The following DHRSX variants were observed in gnomAD, a reference collection of about 807,000 sequenced individuals.
DHRSX encodes polyprenol dehydrogenase.
A neutral mutation model predicts 34.0 loss-of-function variants in DHRSX; 31 were observed. That is an observed-to-expected ratio of 0.91 (90% CI 0.69 to 1.23). DHRSX has a LOEUF of 1.23. Among genes scored for constraint, DHRSX ranks in the 50% most tolerant of loss-of-function variants. DHRSX has a pLI of 0.00. For missense variants in DHRSX, 414 were observed against 428.1 expected (o/e 0.97, Z 0.29); for synonymous variants, 201 against 183.8 (o/e 1.09, Z -0.76).
intron 2 of DHRSX, among the ~76,000 whole-genome samples, chrX:2,421,371 C>T (rs946248593): frequency 3.3e-5 from 5 of 152,070 alleles, no homozygotes; most frequent in African/African-American, 1.2e-4. Flanking sequence ...CAGAGTGAGA[C>T]GCTGTCTCAA....
At chrX:2,285,692 G>C (rs2041796638) in intron 4 of DHRSX, among the ~76,000 whole-genome samples, 1 of 152,114 alleles carries the variant, frequency 6.6e-6, no homozygotes, top group Non-Finnish European at 1.5e-5. Flanking sequence ...GACACTAAAA[G>C]TACCACCACT....
At chrX:2,260,536 T>G (rs1430455081) in intron 5 of DHRSX, among the ~76,000 whole-genome samples, 2 of 151,908 alleles carry the variant, frequency 1.3e-5, no homozygotes, top group African/African-American at 2.4e-5. Flanking sequence ...CTCAGCTCAC[T>G]GCAACCTCCA....
At chrX:2,394,669 C>T (rs2043386389) in intron 3 of DHRSX, among the ~76,000 whole-genome samples, 1 of 152,044 alleles carries the variant, frequency 6.6e-6, no homozygotes, top group Admixed American at 6.6e-5. Context: ...AGATCGAGAC[C>T]GTCCTGGCCA....
At chrX:2,446,852 C>T (rs2044144663) in intron 1 of DHRSX, among the ~76,000 whole-genome samples, 1 of 151,894 alleles carries the variant, frequency 6.6e-6, no homozygotes, top group African/African-American at 2.4e-5. Flanking sequence ...GAAGATGTTC[C>T]CAAAGAATGG....
At chrX:2,436,768 A>T (rs1201024480) in intron 1 of DHRSX, among the ~76,000 whole-genome samples, 3 of 151,908 alleles carry the variant, frequency 2.0e-5, no homozygotes, top group Admixed American at 6.6e-5. Flanking sequence ...AGTAGCTGGA[A>T]CTACAGGTGT....
At chrX:2,285,821 T>C (rs1035707906) in intron 4 of DHRSX, among the ~76,000 whole-genome samples, 2 of 152,196 alleles carry the variant, frequency 1.3e-5, no homozygotes, top group African/African-American at 2.4e-5. Flanking sequence ...AGAATTCTGA[T>C]GCACAAACCA....
intron 3 of DHRSX, among the ~76,000 whole-genome samples, chrX:2,336,063 AG>A (rs2042556982): frequency 6.6e-6 from 1 of 151,774 alleles, no homozygotes; most frequent in Non-Finnish European, 1.5e-5. Context: ...CAGGGAGTGC[AG>A]TGGCGTGATC....
intron 1 of DHRSX, among the ~76,000 whole-genome samples, 173 bp from the exon 2 acceptor site, chrX:2,425,477 G>T (rs2043833189): frequency 6.6e-6 from 1 of 152,112 alleles, no homozygotes; most frequent in African/African-American, 2.4e-5. Context: ...TATTAAAGTG[G>T]ATTCGCCCCC....
intron 3 of DHRSX, among the ~76,000 whole-genome samples, chrX:2,404,531 G>C (rs761397596): frequency 2.0e-5 from 3 of 152,070 alleles, no homozygotes; most frequent in Non-Finnish European, 4.4e-5. Flanking sequence ...GTTTTTCTGC[G>C]GCTAATAAGC....
chrX:2,488,753 T>G (rs966401227), intron 1 of DHRSX: 1 of 1,613,812 alleles, frequency 6.2e-7, no homozygotes, highest in Non-Finnish European at 8.5e-7. Context: ...GGGTTCCGCC[T>G]CTGCCCCACT....
Position 2,450,468 on chromosome X carries a change from A to C in DHRSX, c.110-25164T>G, listed in dbSNP as rs1048513166. Among the ~76,000 whole-genome samples the C allele has an allele frequency of 1.2e-3, 181 of 152,132 alleles. 4 individuals carry two copies. The highest frequency in any genetic ancestry group is 3.7e-4 in the Non-Finnish European group (25 of 68,028). On this transcript the variant is annotated intron_variant, in intron 1 of 6. Transcript: ENST00000334651. ...CAAGAGCAAAACTCTGTCTCAAAAA[A>C]AAAGAATGTTAGATAGTATCGGACA...
intron 5 of DHRSX, among the ~76,000 whole-genome samples, chrX:2,263,777 C>T (rs2041398771): frequency 2.0e-5 from 3 of 152,186 alleles, no homozygotes; most frequent in Admixed American, 2.0e-4. Flanking sequence ...TCCCAAAGTG[C>T]TGGGATGACA....
At chrX:2,477,514 A>C (rs1296494540) in intron 1 of DHRSX, among the ~76,000 whole-genome samples, 1 of 152,204 alleles carries the variant, frequency 6.6e-6, no homozygotes, top group Non-Finnish European at 1.5e-5. Context: ...CACAGGTGGA[A>C]ACAGTTTATC....
At chrX:2,249,513 C>CCTT (rs2016383823) in intron 5 of DHRSX, among the ~76,000 whole-genome samples, 2 of 70,166 alleles carry the variant, frequency 2.9e-5, no homozygotes, top group Admixed American at 3.4e-4. Flanking sequence ...CTTTTTGTGC[C>CCTT]TTTTTTTTTT....
At chrX:2,288,328 C>T (rs1444976292) in intron 4 of DHRSX, among the ~76,000 whole-genome samples, 7 of 152,078 alleles carry the variant, frequency 4.6e-5, no homozygotes, top group Non-Finnish European at 8.8e-5. Context: ...CTCTGCCTCC[C>T]GGGTTCAAGC....
intron 2 of DHRSX, among the ~76,000 whole-genome samples, chrX:2,422,633 C>T (rs950967697): frequency 2.6e-5 from 4 of 152,096 alleles, no homozygotes; most frequent in Non-Finnish European, 4.4e-5. Context: ...TAAAAGCAGA[C>T]ACCATAAAAG....
At chrX:2,404,124 T>G (rs1361899712) in intron 3 of DHRSX, among the ~76,000 whole-genome samples, 1 of 152,134 alleles carries the variant, frequency 6.6e-6, no homozygotes, top group East Asian at 1.9e-4. Context: ...TTGAATGCCT[T>G]CAGGACAGCA....
intron 3 of DHRSX, among the ~76,000 whole-genome samples, chrX:2,369,165 C>T (rs946897409): frequency 2.3e-4 from 35 of 152,114 alleles, no homozygotes; most frequent in African/African-American, 6.0e-4. Flanking sequence ...TTTGCTTCTG[C>T]GGTTGAAACT....
chrX:2,240,062 G>T (rs1008305642), intron 6 of DHRSX, among the ~76,000 whole-genome samples: 1 of 152,024 alleles, frequency 6.6e-6, no homozygotes, highest in African/African-American at 2.4e-5. Context: ...GAAGGCCGAG[G>T]TGGGCGGATC....
Sources: gnomAD v4.1 joint callset for allele counts (sites outside exome capture counted in the v4.1 genomes callset) on GRCh38, gnomAD v4.1.1 for gene constraint, MANE v1.5 for transcripts, NCBI Gene and HGNC (gene_info 2026-07-23, HGNC 2026-07-21) for gene names.